The following SV2C variants were observed in gnomAD, a reference collection of about 807,000 sequenced individuals.
SV2C encodes the protein synaptic vesicle glycoprotein 2C.
A neutral mutation model predicts 79.7 loss-of-function variants in SV2C; 49 were observed. The ratio of observed to expected loss-of-function variants is 0.61; its 90% CI spans 0.49 to 0.78. The LOEUF (loss-of-function observed/expected upper bound fraction) is 0.78. Ranked by LOEUF, SV2C falls within the 30% of genes least tolerant of loss-of-function variation. SV2C has a pLI of 0.00. For synonymous variants in SV2C, 334 were observed against 333.2 expected, an observed-to-expected ratio of 1.00 and a Z score of -0.03; for missense variants, 833 against 912.9, an observed-to-expected ratio of 0.91 and a Z score of 1.13.
At chr5:75,974,427 C>A in the SV2C span, among the ~76,000 whole-genome samples, 1 of 151,964 alleles carries the variant, frequency 6.6e-6, no homozygotes, top group South Asian at 2.1e-4. Flanking sequence ...TTTCATTTTC[C>A]CTTCAAAGAT....
At chr5:76,197,965 C>A (rs769375364) in intron 3 of SV2C, among the ~76,000 whole-genome samples, 2 of 152,190 alleles carry the variant, frequency 1.3e-5, no homozygotes, top group African/African-American at 2.4e-5. Flanking sequence ...GCCAGAGAAC[C>A]TGGGGATCTG....
intron 4 of SV2C, 52 bp from the exon 5 acceptor site, chr5:76,285,110 G>A: frequency 1.2e-6 from 2 of 1,605,268 alleles, no homozygotes; most frequent in Admixed American, 3.4e-5. Flanking sequence ...GATGTTCCCA[G>A]GAGGCTGTCT....
chr5:76,198,696 G>A (rs1744344498), intron 3 of SV2C, among the ~76,000 whole-genome samples: 2 of 152,086 alleles, frequency 1.3e-5, no homozygotes, highest in South Asian at 2.1e-4. Context: ...TGCTTGCTTT[G>A]TGAAATGCTA....
At chr5:75,896,999 T>G in the SV2C span, among the ~76,000 whole-genome samples, 3,764 of 143,750 alleles carry the variant, frequency 0.026, 212 homozygotes, top group African/African-American at 0.1. Flanking sequence ...TTGCAAAAAT[T>G]TTCTCCCATT....
the SV2C span, among the ~76,000 whole-genome samples, chr5:75,947,618 C>T: frequency 2.0e-5 from 3 of 151,964 alleles, no homozygotes; most frequent in Non-Finnish European, 4.4e-5. Flanking sequence ...GAGGGGTATC[C>T]TAATTTCACC....
chr5:76,284,897 G>A (rs577782904), intron 4 of SV2C, among the ~76,000 whole-genome samples: 2 of 152,320 alleles, frequency 1.3e-5, no homozygotes, highest in East Asian at 1.9e-4. Flanking sequence ...CCAAATTTAT[G>A]TTGGCCTTTG....
At chr5:76,312,376 CTGAG>C (rs1748478223) in intron 12 of SV2C, among the ~76,000 whole-genome samples, 1 of 152,150 alleles carries the variant, frequency 6.6e-6, no homozygotes, top group Admixed American at 6.5e-5. Context: ...CCTCGGCCTC[CTGAG>C]TAACTGGGAT....
At chr5:76,318,759 G>C (rs1236657310) in intron 12 of SV2C, among the ~76,000 whole-genome samples, 1 of 152,230 alleles carries the variant, frequency 6.6e-6, no homozygotes. Flanking sequence ...GAAGAGATGA[G>C]AAGCAAAGCA....
the SV2C span, among the ~76,000 whole-genome samples, chr5:76,032,795 T>C: frequency 2.0e-5 from 3 of 152,248 alleles, no homozygotes; most frequent in South Asian, 6.2e-4. Context: ...ATGGTATTTC[T>C]AGCTCTAGAC....
the SV2C span, among the ~76,000 whole-genome samples, chr5:76,020,724 C>T: frequency 6.6e-6 from 1 of 152,138 alleles, no homozygotes; most frequent in African/African-American, 2.4e-5. Context: ...CAAGTGGGCA[C>T]GGCCAGGTGA....
the SV2C span, among the ~76,000 whole-genome samples, chr5:75,862,139 T>A: frequency 6.6e-6 from 1 of 152,218 alleles, no homozygotes; most frequent in Non-Finnish European, 1.5e-5. Context: ...CCTACTTACA[T>A]CTAAAATTAG....
At chr5:75,876,792 A>C in the SV2C span, among the ~76,000 whole-genome samples, 2 of 152,256 alleles carry the variant, frequency 1.3e-5, no homozygotes, top group Non-Finnish European at 2.9e-5. Flanking sequence ...ATCCTAGAGC[A>C]ACCACCTAAA....
At chr5:76,350,749 C>T (rs574543080) in intron 12 of SV2C, among the ~76,000 whole-genome samples, 15 of 152,300 alleles carry the variant, frequency 9.8e-5, no homozygotes, top group African/African-American at 3.1e-4. Flanking sequence ...GGCATGGTGG[C>T]TCACGCCTGT....
the SV2C span, among the ~76,000 whole-genome samples, chr5:75,934,871 T>C: frequency 2.1e-5 from 3 of 140,244 alleles, no homozygotes; most frequent in African/African-American, 5.8e-5. Flanking sequence ...CAAGAGCAGA[T>C]TGAGCAAAGT....
chr5:76,199,950 T>C (rs1366757396), intron 3 of SV2C, among the ~76,000 whole-genome samples: 1 of 152,238 alleles, frequency 6.6e-6, no homozygotes, highest in Non-Finnish European at 1.5e-5. Context: ...CTGTTAGTCT[T>C]TCTCCCAGCT....
At chr5:76,268,892 T>C (rs1306245570) in intron 4 of SV2C, among the ~76,000 whole-genome samples, 1 of 152,196 alleles carries the variant, frequency 6.6e-6, no homozygotes, top group East Asian at 1.9e-4. Context: ...GAGCTTATAA[T>C]TGCATAGCAA....
chr5:76,232,178 C>A (rs2112401344), intron 4 of SV2C, among the ~76,000 whole-genome samples: 1 of 147,778 alleles, frequency 6.8e-6, no homozygotes, highest in Non-Finnish European at 1.5e-5. Context: ...TTGCATTTCT[C>A]TGATGGCCAG....
the SV2C span, among the ~76,000 whole-genome samples, chr5:75,903,766 T>C: frequency 6.6e-6 from 1 of 152,220 alleles, no homozygotes; most frequent in Non-Finnish European, 1.5e-5. Flanking sequence ...TCTTTTAGAC[T>C]TCAACTTTGT....
At position 76,192,062 on chromosome 5, in the gene SV2C, T is replaced by A. The variant is rs193292918; in HGVS notation, c.581-2857T>A. ...GCAGGTCTTGCCTGTTTCACATCTTTGGAGTTAAAATACTCTGTAGCCTTC... is the reference window on the plus strand; with the variant it reads ...GCAGGTCTTGCCTGTTTCACATCTTAGGAGTTAAAATACTCTGTAGCCTTC... On this transcript the variant is annotated intron_variant, in intron 2 of 12. Transcript: ENST00000502798. Among the ~76,000 whole-genome samples the A allele has an allele frequency of 1.2e-4, 19 of 152,320 alleles. No homozygotes were observed. In the East Asian group the frequency reaches 3.7e-3, roughly 29 times the overall value.
Sources: allele counts gnomAD v4.1 joint callset (sites outside exome capture counted in the v4.1 genomes callset), GRCh38; gene constraint gnomAD v4.1.1; transcripts MANE v1.5; gene names NCBI Gene and HGNC (gene_info 2026-07-23, HGNC 2026-07-21).